SUCO: variants seen among roughly 807,000 people sequenced by gnomAD.
SUCO encodes SUN domain-containing ossification factor.
Under a neutral mutation model 148.1 loss-of-function variants are expected in SUCO, and 57 were observed. That is an observed-to-expected ratio of 0.38 (90% CI 0.31 to 0.48). The LOEUF (loss-of-function observed/expected upper bound fraction) is 0.48, where lower values mean the gene tolerates loss of function less well. SUCO is among the 20% of genes least tolerant of loss of function. The probability of loss-of-function intolerance (pLI) is 0.96; values close to 1 mark genes in which losing one functional copy is unlikely to be tolerated. For synonymous variants in SUCO, 470 were observed against 502.7 expected (o/e 0.93, Z 0.87); for missense variants, 1,331 against 1,468.2 (o/e 0.91, Z 1.53).
rs954772855 is a variant in SUCO, at chr1:172,585,040, T to C, written c.1521T>C (p.Asn507=). The C allele has an allele frequency of 3.1e-6, 5 of 1,604,502 alleles. No homozygotes were observed. In the African/African-American group the frequency reaches 6.7e-5, roughly 21 times the overall value. ...TAGATGCCATTCTAAATATGGTGAA[T>C]ATTGCTGCTAATATTCTGGGAGCAA... ...SATNAILNMV[N]IAANILGAKT... The change falls in exon 16 of 24, where the codon AAT becomes AAC. Residue 507 remains asparagine (N), a synonymous_variant. Transcript: ENST00000263688.
chr1:172,601,148 T>C (rs1657492640), intron 20 of SUCO, among the ~76,000 whole-genome samples: 1 of 152,202 alleles, frequency 6.6e-6, no homozygotes, highest in Non-Finnish European at 1.5e-5. Context: ...TGTGGAGAAC[T>C]GCCTGTTGGG....
Position 172,542,155 on chromosome 1 carries a change from G to A in SUCO, c.62+8658G>A, listed in dbSNP as rs183277876. Among the ~76,000 whole-genome samples the A allele has an allele frequency of 9.1e-3, 1,388 of 152,154 alleles. 14 individuals carry two copies. Among genetic ancestry groups the A allele is most frequent in the Non-Finnish European group, 0.013 (880 of 67,990 alleles). On this transcript the variant is annotated intron_variant, in intron 1 of 23. Coordinates refer to ENST00000263688, the MANE Select transcript of SUCO (RefSeq NM_014283.5). ...AGCACTTTGGGAGGTCGAGGCAGGC[G>A]GATCACCTGAGGTCAGGAGTTCGAG...
At chr1:172,546,936 A>AT (rs2149223158) in intron 1 of SUCO, among the ~76,000 whole-genome samples, 1 of 152,308 alleles carries the variant, frequency 6.6e-6, no homozygotes, top group African/African-American at 2.4e-5. Context: ...AGCGAAATGC[A>AT]CAGATCTTAA....
In SUCO at chr1:172,589,612, A is replaced by G; in HGVS notation, c.2511A>G (p.Glu837=). 1 of 1,613,956 alleles carries G rather than the reference A, an allele frequency of 6.2e-7. No homozygotes were observed. The highest frequency in any genetic ancestry group is 8.5e-7 in the Non-Finnish European group (1 of 1,179,916). ...ATACAGCCACTGTACCCGACAATGA[A>G]GATGGGGAAGCCAAAATGAATATAG... ...PINTATVPDN[E]DGEAKMNIAD... Residue 837 remains glutamate, a synonymous_variant, in exon 18 of 24, where the codon GAA becomes GAG. Transcript: ENST00000263688.
chr1:172,588,289 A>T, intron 17 of SUCO: 1 of 985,300 alleles, frequency 1.0e-6, no homozygotes, highest in Non-Finnish European at 1.2e-6. Flanking sequence ...TACAAAGTGC[A>T]CTCATAAATA....
At chr1:172,549,596 A>G (rs1436324341) in intron 1 of SUCO, among the ~76,000 whole-genome samples, 13 of 151,926 alleles carry the variant, frequency 8.6e-5, no homozygotes, top group Non-Finnish European at 1.9e-4. Flanking sequence ...TTTCTTCTGT[A>G]ATGAAATTTC....
Position 172,557,771 on chromosome 1 carries a change from G to C in SUCO, c.709G>C (p.Ala237Pro). ...GGGDPKSALN[A>P]SDNLKNESSD... ...TGGTGATCCAAAATCTGCATTGAAT[G>C]CTTCAGATAATTTAAAAAATGAGGT... is the stretch of plus-strand genomic sequence containing the variant. The change falls in exon 6 of 24, where the codon GCT (alanine) becomes CCT (proline). Residue 237 changes from alanine (A) to proline (P), a missense_variant. Ala to Pro is a conservative substitution (Grantham distance 27). Transcript: ENST00000263688. 2 of 1,596,496 alleles carry C rather than the reference G, an allele frequency of 1.3e-6. No homozygotes were observed. Among genetic ancestry groups the C allele is most frequent in the South Asian group, 1.1e-5 (1 of 87,138 alleles).
chr1:172,543,073 A>C (rs1652604297), intron 1 of SUCO: 1 of 943,210 alleles, frequency 1.1e-6, no homozygotes, highest in South Asian at 4.9e-5. Context: ...GAGTAGCTTC[A>C]TACTTGTATG....
At chr1:172,591,600 G>C (rs1466196850) in intron 19 of SUCO, among the ~76,000 whole-genome samples, 1 of 152,018 alleles carries the variant, frequency 6.6e-6, no homozygotes, top group Non-Finnish European at 1.5e-5. Context: ...CCCTGCAAAG[G>C]ACATGAACTC....
At chr1:172,572,138 G>A (rs1489924613) in intron 9 of SUCO, among the ~76,000 whole-genome samples, 2 of 135,246 alleles carry the variant, frequency 1.5e-5, no homozygotes, top group African/African-American at 2.7e-5. Context: ...GCCTCTGCCC[G>A]GCCGCCCCTA....
intron 10 of SUCO, chr1:172,574,781 T>G: frequency 2.2e-6 from 1 of 458,020 alleles, no homozygotes; most frequent in Non-Finnish European, 2.9e-6. Context: ...CATTTAATCA[T>G]TAAGGGTTTT....
At position 172,553,286 on chromosome 1, in the gene SUCO, C is replaced by G. The variant is rs142323342; in HGVS notation, c.204C>G (p.Ala68=). Residue 68 remains alanine (A), a synonymous_variant, in exon 3 of 24, where the codon GCC becomes GCG. Transcript: ENST00000263688. ...ATGAAAGAGAGGGACCTATCAATGCCGAATCATTGGGAAAATCAGGTTCAA... is the reference window on the plus strand; with the variant it reads ...ATGAAAGAGAGGGACCTATCAATGCGGAATCATTGGGAAAATCAGGTTCAA... The part of the protein sequence containing the change: ...KKDEREGPIN[A]ESLGKSGSNL... The G allele has an allele frequency of 1.3e-6, 2 of 1,592,982 alleles. No homozygotes were observed. The highest frequency in any genetic ancestry group is 1.7e-5 in the Admixed American group (1 of 58,844).
At chr1:172,568,248 A>G (rs1457877759) in intron 6 of SUCO, 5 of 930,922 alleles carry the variant, frequency 5.4e-6, no homozygotes, top group South Asian at 5.0e-5. Flanking sequence ...TTTGGATTCC[A>G]TGATTATTAC....
At chr1:172,572,062 C>T (rs1451439335) in intron 9 of SUCO, among the ~76,000 whole-genome samples, 1 of 67,972 alleles carries the variant, frequency 1.5e-5, no homozygotes, top group Non-Finnish European at 2.9e-5. Flanking sequence ...CCAGCCGCCC[C>T]GTCCGGGAGG....
At position 172,589,188 on chromosome 1, in the gene SUCO, CTG is replaced by C. The variant is rs866362688; in HGVS notation, c.2089_2090del (p.Val697CysfsTer4). 1.2e-6 allele frequency: 2 copies of C among 1,613,848 alleles called. No individual in the cohort carries two copies. The highest frequency in any genetic ancestry group is 1.7e-6 in the Non-Finnish European group (2 of 1,179,944). On this transcript the variant is annotated frameshift_variant, in exon 18 of 24. Coordinates refer to ENST00000263688, the MANE Select transcript of SUCO (RefSeq NM_014283.5). LOFTEE classifies it high-confidence loss of function. ...ACGAATATAGAAAGGGAAGCTGAAA[CTG>C]TTGTTCTGGGTGATTTAAGTAGTAG...
chr1:172,548,077 A>G (rs1652994737), intron 1 of SUCO, among the ~76,000 whole-genome samples: 1 of 152,078 alleles, frequency 6.6e-6, no homozygotes, highest in African/African-American at 2.4e-5. Flanking sequence ...AAAAATTTAA[A>G]AACGGTTTGA....
Position 172,602,139 on chromosome 1 carries a change from C to T in SUCO, c.3094C>T (p.Arg1032Cys). The change falls in exon 21 of 24, where the codon CGT (arginine) becomes TGT (cysteine). Residue 1032 changes from arginine to cysteine, a missense_variant. Coordinates refer to ENST00000263688, the MANE Select transcript of SUCO (RefSeq NM_014283.5). ...VVLGLMLCMQ[R>C]CRNTSQFDGD... ...CTTGGGACTGATGCTTTGTATGCAG[C>T]GTTGTCGAAATACTTCTCAATTTGA... 5.6e-6 allele frequency: 9 copies of T among 1,613,512 alleles called. No homozygotes were observed. Among genetic ancestry groups the T allele is most frequent in the Non-Finnish European group, 7.6e-6 (9 of 1,179,742 alleles).
chr1:172,549,657 G>A (rs1653126931), intron 1 of SUCO, among the ~76,000 whole-genome samples: 1 of 151,780 alleles, frequency 6.6e-6, no homozygotes, highest in Non-Finnish European at 1.5e-5. Context: ...ATCTTCCTTG[G>A]CTCTTCAGTT....
chr1:172,608,328 A>G (rs192155419), intron 22 of SUCO: 1 of 170,244 alleles, frequency 5.9e-6, no homozygotes, highest in African/African-American at 2.4e-5. Context: ...TTGTTAATCT[A>G]CCTTTGTGAC....
Sources: gnomAD v4.1 joint callset for allele counts (sites outside exome capture counted in the v4.1 genomes callset) on GRCh38, gnomAD v4.1.1 for gene constraint, MANE v1.5 for transcripts, NCBI Gene and HGNC (gene_info 2026-07-23, HGNC 2026-07-21) for gene names.